The following APOOL variants were observed in gnomAD, a reference collection of about 807,000 sequenced individuals.
The protein encoded by APOOL is MICOS complex subunit MIC27.
In APOOL, 12 loss-of-function variants were observed where a neutral mutation model predicts 23.1. The observed-to-expected ratio is 0.52, with a 90% CI of 0.33 to 0.84. The LOEUF (loss-of-function observed/expected upper bound fraction) is 0.84, where lower values mean the gene tolerates loss of function less well. Ranked by LOEUF, APOOL falls within the 40% of genes least tolerant of loss-of-function variation. APOOL has a pLI of 0.02. For synonymous variants in APOOL, 77 were observed against 69.9 expected (o/e 1.10, Z -0.51); for missense variants, 212 against 199.6 (o/e 1.06, Z -0.37).
At chrX:85,068,926 G>T (rs1468257595) in intron 6 of APOOL, among the ~76,000 whole-genome samples, 1 of 111,103 alleles carries the variant, frequency 9.0e-6, no homozygotes, top group Non-Finnish European at 1.9e-5. Context: ...TTATGAATAG[G>T]CAGATAAGAA....
At chrX:85,026,763 C>A (rs759846341) in intron 1 of APOOL, among the ~76,000 whole-genome samples, 1 of 111,540 alleles carries the variant, frequency 9.0e-6, no homozygotes, top group Non-Finnish European at 1.9e-5. Flanking sequence ...TCCCAAAATA[C>A]CCTCATTTCC....
At chrX:85,031,441 AT>A (rs939950284) in intron 1 of APOOL, among the ~76,000 whole-genome samples, 1 of 111,602 alleles carries the variant, frequency 9.0e-6, no homozygotes, top group African/African-American at 3.3e-5. Context: ...GGCTGCATAT[AT>A]TTCAAAAAGA....
intron 8 of APOOL, among the ~76,000 whole-genome samples, chrX:85,080,029 T>C (rs1257431981): frequency 8.9e-6 from 1 of 112,027 alleles, no homozygotes; most frequent in Non-Finnish European, 1.9e-5. Context: ...TGTTGATCTT[T>C]TCAAATAATC....
chrX:85,079,352 T>A (rs1923990946), intron 8 of APOOL, among the ~76,000 whole-genome samples: 1 of 112,102 alleles, frequency 8.9e-6, no homozygotes, highest in Non-Finnish European at 1.9e-5. Context: ...GATAATCATG[T>A]GGTTTTTGTC....
At chrX:85,062,701 A>C (rs190884813) in intron 5 of APOOL, among the ~76,000 whole-genome samples, 1 of 110,142 alleles carries the variant, frequency 9.1e-6, no homozygotes, top group East Asian at 2.9e-4. Flanking sequence ...TTAGTTCTCT[A>C]TTCTGCTCCA....
chrX:85,052,156 C>T (rs1922804100), intron 3 of APOOL, among the ~76,000 whole-genome samples: 1 of 112,277 alleles, frequency 8.9e-6, no homozygotes, highest in Non-Finnish European at 1.9e-5. Flanking sequence ...TGTCACCTAG[C>T]ATGTACACAG....
chrX:85,012,852 C>T lies in APOOL; in HGVS notation c.15+8925C>T, dbSNP rs763289224. Reference sequence around the variant, plus strand: ...GGTTTTGGTATTTGGGTAATACTGGCTTCATAGAATGATCTAGGGAGGACT... The same window carrying T: ...GGTTTTGGTATTTGGGTAATACTGGTTTCATAGAATGATCTAGGGAGGACT... On this transcript the variant is annotated intron_variant, in intron 1 of 8. Coordinates refer to ENST00000373173, the MANE Select transcript of APOOL (RefSeq NM_198450.6). Among the ~76,000 whole-genome samples, 18 of 111,457 alleles carry T rather than the reference C, an allele frequency of 1.6e-4. No homozygotes were observed. The South Asian group carries it at 6.8e-3, about 42-fold the overall frequency.
At chrX:85,052,482 C>T (rs372809096) in intron 3 of APOOL, among the ~76,000 whole-genome samples, 1 of 111,329 alleles carries the variant, frequency 9.0e-6, no homozygotes, top group Non-Finnish European at 1.9e-5. Flanking sequence ...AGTAACCATG[C>T]GACTTTTCCC....
At chrX:85,085,844 A>G (rs1222854109) in intron 8 of APOOL, among the ~76,000 whole-genome samples, 5 of 111,639 alleles carry the variant, frequency 4.5e-5, no homozygotes, top group Non-Finnish European at 9.4e-5. Flanking sequence ...GTTGTATGAG[A>G]TTTTTACTGC....
rs1388783284 is a variant in APOOL at position 85,089,616 on chromosome X, GC to G, written c.*1939del. 1 of 111,096 alleles carries G rather than the reference GC, an allele frequency of 9.0e-6. No homozygotes were observed. Among genetic ancestry groups the G allele is most frequent in the Non-Finnish European group, 1.9e-5 (1 of 53,060 alleles). 9.2% of individuals were successfully genotyped at this position (111,096 alleles called of 1,213,427 possible). On this transcript the variant is annotated 3_prime_UTR_variant, in exon 9 of 9. Coordinates refer to ENST00000373173, the MANE Select transcript of APOOL (RefSeq NM_198450.6). ...ATTTTTCATTTAACAGACTTCACTGGCTTCAGGCACCATTTGTTTTATTATT... is the reference window on the plus strand; with the variant it reads ...ATTTTTCATTTAACAGACTTCACTGGTTCAGGCACCATTTGTTTTATTATT...
chrX:85,084,858 T>C (rs1325006825), intron 8 of APOOL, among the ~76,000 whole-genome samples: 3 of 111,627 alleles, frequency 2.7e-5, no homozygotes, highest in African/African-American at 9.8e-5. Flanking sequence ...TGGACATTGT[T>C]AAGCAAATTT....
intron 1 of APOOL, among the ~76,000 whole-genome samples, chrX:85,029,478 T>C (rs1259594393): frequency 9.0e-6 from 1 of 111,575 alleles, no homozygotes; most frequent in African/African-American, 3.3e-5. Context: ...AGAAGAATTC[T>C]TTTTTTTCCC....
Position 85,037,018 on chromosome X carries a change from CCAAGTTGCTG to C in APOOL, c.16-9425_16-9416del, listed in dbSNP as rs1328990325. Reference sequence around the variant, plus strand: ...TTAGACTAATGGCCTCCAACTCCATCCAAGTTGCTGCAGAGGCCATTATTTCATTCTGTTT... The same window carrying C: ...TTAGACTAATGGCCTCCAACTCCATCCAGAGGCCATTATTTCATTCTGTTT... On this transcript the variant is annotated intron_variant, in intron 1 of 8. Transcript: ENST00000373173. Among the ~76,000 whole-genome samples the C allele has an allele frequency of 8.9e-5, 10 of 111,777 alleles. No homozygotes were observed. The Admixed American group carries it at 9.5e-4, about 11-fold the overall frequency.
At chrX:85,069,832 T>G (rs1482528903) in intron 6 of APOOL, among the ~76,000 whole-genome samples, 10 of 110,805 alleles carry the variant, frequency 9.0e-5, no homozygotes, top group Non-Finnish European at 1.9e-5. Flanking sequence ...TTTTAGATGT[T>G]TATTTCTCCC....
At chrX:85,058,362 T>C (rs1312452082) in intron 5 of APOOL, among the ~76,000 whole-genome samples, 2 of 111,368 alleles carry the variant, frequency 1.8e-5, no homozygotes, top group Non-Finnish European at 3.8e-5. Context: ...CTGAGGATAA[T>C]GGCTTTCCAG....
At chrX:85,015,630 G>A (rs936574829) in intron 1 of APOOL, among the ~76,000 whole-genome samples, 4 of 107,980 alleles carry the variant, frequency 3.7e-5, no homozygotes, top group East Asian at 2.9e-4. Flanking sequence ...GTGCAATGGC[G>A]TGATCTCTGT....
At chrX:85,067,627 A>AACACACACAC (rs758966009) in intron 6 of APOOL, among the ~76,000 whole-genome samples, 971 of 90,387 alleles carry the variant, frequency 0.011, 25 homozygotes, top group African/African-American at 0.037. Flanking sequence ...CTGAAGGTAA[A>AACACACACAC]ACACACACAC....
chrX:85,018,852 T>C (rs550734522), intron 1 of APOOL, among the ~76,000 whole-genome samples: 54 of 112,246 alleles, frequency 4.8e-4, no homozygotes, highest in South Asian at 2.2e-3. Context: ...TTATTTTTAA[T>C]TCTTTTTCAG....
At chrX:85,063,628 GT>G (rs1923323525) in intron 5 of APOOL, among the ~76,000 whole-genome samples, 1 of 111,249 alleles carries the variant, frequency 9.0e-6, no homozygotes, top group South Asian at 3.8e-4. Context: ...TAATCATGTG[GT>G]TTTTGTCTTT....
Sources: allele counts gnomAD v4.1 joint callset (sites outside exome capture counted in the v4.1 genomes callset), GRCh38; gene constraint gnomAD v4.1.1; transcripts MANE v1.5; gene names NCBI Gene and HGNC (gene_info 2026-07-23, HGNC 2026-07-21).